CHLSN: variants seen among roughly 807,000 people sequenced by gnomAD.
CHLSN encodes protein cholesin.
the CHLSN span, among the ~76,000 whole-genome samples, chr7:1,063,219 C>T: frequency 2.6e-5 from 4 of 152,320 alleles, no homozygotes; most frequent in East Asian, 1.9e-4. Context: ...GGCTTCCACG[C>T]GACGCTGTCC....
the CHLSN span, among the ~76,000 whole-genome samples, chr7:1,133,796 T>TA: frequency 6.9e-6 from 1 of 145,860 alleles, no homozygotes; most frequent in African/African-American, 2.5e-5. Flanking sequence ...GATAAATAAA[T>TA]AAATAAATGG....
At chr7:1,115,406 A>G in the CHLSN span, among the ~76,000 whole-genome samples, 2 of 152,250 alleles carry the variant, frequency 1.3e-5, no homozygotes, top group Non-Finnish European at 2.9e-5. Flanking sequence ...CACAGAGAAC[A>G]GGAAATCAGG....
chr7:1,065,979 A>T, the CHLSN span, among the ~76,000 whole-genome samples: 1 of 152,198 alleles, frequency 6.6e-6, no homozygotes, highest in East Asian at 1.9e-4. Flanking sequence ...GGGCCCCACC[A>T]GGAGAGCAGG....
the CHLSN span, among the ~76,000 whole-genome samples, chr7:1,086,166 G>A: frequency 1.3e-5 from 2 of 152,276 alleles, no homozygotes; most frequent in African/African-American, 2.4e-5. Flanking sequence ...CTTGGGAGCT[G>A]AGCTCTTCCT....
At chr7:1,000,418 C>A in the CHLSN span, 1 of 1,134,998 alleles carries the variant, frequency 8.8e-7, no homozygotes, top group Non-Finnish European at 1.2e-6. Flanking sequence ...CCTGCCCCGC[C>A]GTGCACAGAC....
chr7:1,127,947 ACC>A, the CHLSN span, among the ~76,000 whole-genome samples: 1 of 32,270 alleles, frequency 3.1e-5, no homozygotes, highest in Non-Finnish European at 5.0e-5. Context: ...GGCTCATCCC[ACC>A]CTGTCACCCG....
the CHLSN span, among the ~76,000 whole-genome samples, chr7:981,818 A>C: frequency 6.6e-6 from 1 of 152,284 alleles, no homozygotes; most frequent in East Asian, 1.9e-4. Context: ...GCTTGAACCC[A>C]GGAGTGTGAG....
chr7:1,077,565 T>C, the CHLSN span, among the ~76,000 whole-genome samples: 1 of 152,274 alleles, frequency 6.6e-6, no homozygotes, highest in Non-Finnish European at 1.5e-5. Context: ...AGGGCTGCTT[T>C]CTGAACGTGC....
At chr7:1,053,840 CAA>C in the CHLSN span, among the ~76,000 whole-genome samples, 1 of 152,052 alleles carries the variant, frequency 6.6e-6, no homozygotes, top group African/African-American at 2.4e-5. Flanking sequence ...AAAACAAAAA[CAA>C]AACCAAAAAA....
At chr7:1,037,402 G>A in the CHLSN span, among the ~76,000 whole-genome samples, 5 of 128,418 alleles carry the variant, frequency 3.9e-5, 1 homozygote, top group Non-Finnish European at 8.6e-5. Flanking sequence ...TTGCAGGTGC[G>A]CGCCGCCACG....
chr7:1,126,433 T>TATTGG, the CHLSN span, among the ~76,000 whole-genome samples: 3 of 141,404 alleles, frequency 2.1e-5, no homozygotes, highest in Non-Finnish European at 3.1e-5. Context: ...AATTCCAGCA[T>TATTGG]ATTGGGAGGC....
the CHLSN span, among the ~76,000 whole-genome samples, chr7:1,020,393 T>C: frequency 6.6e-6 from 1 of 152,114 alleles, no homozygotes; most frequent in Non-Finnish European, 1.5e-5. Context: ...CCAAGAACTC[T>C]TCCTGGGCCC....
At chr7:983,615 G>A in the CHLSN span, among the ~76,000 whole-genome samples, 1 of 152,218 alleles carries the variant, frequency 6.6e-6, no homozygotes, top group African/African-American at 2.4e-5. Context: ...GTGCCACCCA[G>A]GGCCCGGCGC....
chr7:1,104,975 A>G, the CHLSN span, among the ~76,000 whole-genome samples: 3 of 152,250 alleles, frequency 2.0e-5, no homozygotes, highest in Non-Finnish European at 4.4e-5. Context: ...GTAAGTTCAG[A>G]GGCTTCCTTT....
chr7:983,540 T>C, the CHLSN span, among the ~76,000 whole-genome samples: 1 of 152,032 alleles, frequency 6.6e-6, no homozygotes, highest in African/African-American at 2.4e-5. Flanking sequence ...ACCCTGCTTT[T>C]GGGAGGGGAA....
the CHLSN span, among the ~76,000 whole-genome samples, chr7:991,769 A>G: frequency 6.6e-6 from 1 of 152,256 alleles, no homozygotes; most frequent in Non-Finnish European, 1.5e-5. Context: ...TCAGGGGCAC[A>G]GGCACATTCA....
At chr7:1,000,325 C>T in the CHLSN span, 2 of 634,784 alleles carry the variant, frequency 3.2e-6, no homozygotes, top group Non-Finnish European at 5.0e-6. Context: ...GGGAGACGTG[C>T]CTGCCCCGCC....
chr7:987,029 GCCCAGGGC>G, the CHLSN span: 5 of 1,425,630 alleles, frequency 3.5e-6, no homozygotes, highest in Non-Finnish European at 4.6e-6. Context: ...CCATAGTGGA[GCCCAGGGC>G]TGGGCTGGGT....
At chr7:990,047 GT>G in the CHLSN span, among the ~76,000 whole-genome samples, 54 of 1,004 alleles carry the variant, frequency 0.054, 26 homozygotes, top group South Asian at 0.14. Flanking sequence ...GGCAGTGTGA[GT>G]GGCGCGTGTG....
Sources: gnomAD v4.1 joint callset for allele counts (sites outside exome capture counted in the v4.1 genomes callset) on GRCh38, gnomAD v4.1.1 for gene constraint, MANE v1.5 for transcripts, NCBI Gene and HGNC (gene_info 2026-07-23, HGNC 2026-07-21) for gene names.